DAB1: variants seen among roughly 807,000 people sequenced by gnomAD.
DAB1 encodes the protein disabled homolog 1.
Under a neutral mutation model 64.6 loss-of-function variants are expected in DAB1, and 15 were observed. The ratio of observed to expected loss-of-function variants is 0.23; its 90% CI spans 0.16 to 0.36. The LOEUF (loss-of-function observed/expected upper bound fraction) is 0.36. Among genes scored for constraint, DAB1 ranks in the 10% least tolerant of loss-of-function variants. The probability of loss-of-function intolerance (pLI) is 1.00; values close to 1 mark genes in which losing one functional copy is unlikely to be tolerated. For missense variants in DAB1, 596 were observed against 706.7 expected (o/e 0.84, Z 1.78); for synonymous variants, 235 against 251.9 (o/e 0.93, Z 0.64).
At chr1:57,848,616 C>T (rs1653389629) in intron 1 of DAB1, among the ~76,000 whole-genome samples, 1 of 152,180 alleles carries the variant, frequency 6.6e-6, no homozygotes, top group African/African-American at 2.4e-5. Flanking sequence ...TGTTATATCA[C>T]ATGAGTTACC....
rs190278534 is a variant in DAB1, at chr1:57,365,929, T to C, written c.-137+58001A>G. On this transcript the variant is annotated intron_variant, in intron 1 of 14. Coordinates refer to ENST00000371236, the MANE Select transcript of DAB1 (RefSeq NM_001365792.1). Reference sequence around the variant, plus strand: ...TGCTAGTTCTAAAAGAGAGGAAATATACTAAGCCTCTCCAATTTTCCCCTT... The same window carrying C: ...TGCTAGTTCTAAAAGAGAGGAAATACACTAAGCCTCTCCAATTTTCCCCTT... Among the ~76,000 whole-genome samples the C allele has an allele frequency of 1.2e-3, 188 of 152,286 alleles. 1 individual carries two copies. Among genetic ancestry groups the C allele is most frequent in the Middle Eastern group, 6.8e-3 (2 of 294 alleles).
chr1:57,971,458 G>C (rs926021648), intron 5 of DAB1, among the ~76,000 whole-genome samples: 4 of 152,200 alleles, frequency 2.6e-5, no homozygotes, highest in Non-Finnish European at 5.9e-5. Flanking sequence ...ACATGGTGTA[G>C]TGTGAGGGAA....
intron 4 of DAB1, among the ~76,000 whole-genome samples, chr1:58,157,561 A>G (rs967872413): frequency 6.6e-6 from 1 of 152,172 alleles, no homozygotes; most frequent in African/African-American, 2.4e-5. Context: ...AGGCACCACG[A>G]TGCCTTGTTT....
chr1:58,126,567 T>C (rs1653105573), intron 5 of DAB1, among the ~76,000 whole-genome samples: 1 of 151,862 alleles, frequency 6.6e-6, no homozygotes, highest in Non-Finnish European at 1.5e-5. Context: ...TAACTCGTCA[T>C]CTAGCATTAG....
chr1:57,091,536 G>A (rs1461813208), intron 4 of DAB1, among the ~76,000 whole-genome samples: 1 of 152,138 alleles, frequency 6.6e-6, no homozygotes, highest in Non-Finnish European at 1.5e-5. Flanking sequence ...GGAAGCAGAA[G>A]ATTAGATATC....
intron 3 of DAB1, among the ~76,000 whole-genome samples, chr1:58,489,157 G>A (rs563090544): frequency 3.9e-5 from 6 of 152,322 alleles, no homozygotes; most frequent in East Asian, 1.9e-4. Context: ...CGTGTCACCC[G>A]GGAAGTGCAA....
chr1:57,922,529 C>A (rs1012921544), intron 5 of DAB1, among the ~76,000 whole-genome samples: 2 of 152,056 alleles, frequency 1.3e-5, no homozygotes, highest in African/African-American at 4.8e-5. Flanking sequence ...CCCTGAGGAA[C>A]CTCCATCCTA....
chr1:57,327,262 G>A (rs1039386330), intron 1 of DAB1, among the ~76,000 whole-genome samples: 6 of 152,022 alleles, frequency 3.9e-5, no homozygotes, highest in African/African-American at 1.2e-4. Flanking sequence ...CCCTCTTTAC[G>A]TGAAACACCA....
At chr1:57,819,616 C>T (rs1008618152) in intron 6 of DAB1, among the ~76,000 whole-genome samples, 1 of 152,068 alleles carries the variant, frequency 6.6e-6, no homozygotes. Flanking sequence ...TAAAGAGAGG[C>T]GGTCATCTTT....
At chr1:57,033,440 C>T (rs1647028151) in intron 9 of DAB1, 3 of 1,612,776 alleles carry the variant, frequency 1.9e-6, no homozygotes, top group African/African-American at 1.3e-5. Context: ...TGTTCTGTAA[C>T]CACAAGGCAT....
At chr1:57,307,685 T>C (rs1674312334) in intron 1 of DAB1, among the ~76,000 whole-genome samples, 1 of 151,746 alleles carries the variant, frequency 6.6e-6, no homozygotes, top group Non-Finnish European at 1.5e-5. Flanking sequence ...CCAGACCACA[T>C]CCCCTTCCCT....
chr1:58,505,555 T>A (rs1480361778), intron 3 of DAB1, among the ~76,000 whole-genome samples: 1 of 152,130 alleles, frequency 6.6e-6, no homozygotes, highest in Non-Finnish European at 1.5e-5. Flanking sequence ...AGAGAGCAAA[T>A]GCTTCACTCT....
At position 57,057,261 on chromosome 1, in the gene DAB1, G is replaced by A. The variant is rs529210573; in HGVS notation, c.723+5623C>T. Reference sequence around the variant, plus strand: ...TTTTATATTTCAACAGTTGATTATCGTTCATTCAGTTCAGTAGTGATTTCA... The same window carrying A: ...TTTTATATTTCAACAGTTGATTATCATTCATTCAGTTCAGTAGTGATTTCA... On this transcript the variant is annotated intron_variant, in intron 9 of 14. Coordinates refer to ENST00000371236, the MANE Select transcript of DAB1 (RefSeq NM_001365792.1). 1.2e-4 allele frequency among the ~76,000 whole-genome samples: 19 copies of A among 152,246 alleles called. 1 individual carries two copies. In the South Asian group the frequency reaches 3.5e-3, roughly 28 times the overall value.
At chr1:57,992,138 C>T (rs924744734) in intron 5 of DAB1, among the ~76,000 whole-genome samples, 1 of 152,142 alleles carries the variant, frequency 6.6e-6, no homozygotes, top group Non-Finnish European at 1.5e-5. Flanking sequence ...AAAAAAAATA[C>T]ACACGGCATG....
intron 1 of DAB1, among the ~76,000 whole-genome samples, chr1:57,345,091 C>T (rs184647793): frequency 1.3e-5 from 2 of 152,132 alleles, no homozygotes; most frequent in East Asian, 3.9e-4. Flanking sequence ...TGATTATAAT[C>T]ATTATTAATA....
At chr1:57,348,710 T>A (rs776904138) in intron 1 of DAB1, among the ~76,000 whole-genome samples, 5 of 152,074 alleles carry the variant, frequency 3.3e-5, no homozygotes, top group Admixed American at 3.3e-4. Context: ...ATGTTCTCAG[T>A]ATCTAACCTG....
rs772989513 is a variant in DAB1, at chr1:57,207,446, C to CTTTTTTTTTTTTTTTTTTTTTTTTTTTTT, written c.68-62018_68-62017insAAAAAAAAAAAAAAAAAAAAAAAAAAAAA. On this transcript the variant is annotated intron_variant, in intron 2 of 14. Coordinates refer to ENST00000371236, the MANE Select transcript of DAB1 (RefSeq NM_001365792.1). ...CTGTAATTCATACCTTATTTCCTTT[C>CTTTTTTTTTTTTTTTTTTTTTTTTTTTTT]TTTTTTTTTTTTTTTGAGATGGAGT... Among the ~76,000 whole-genome samples, 3 of 98,452 alleles carry CTTTTTTTTTTTTTTTTTTTTTTTTTTTTT rather than the reference C, an allele frequency of 3.0e-5. 1 individual carries two copies. The highest frequency in any genetic ancestry group is 2.2e-5 in the Non-Finnish European group (1 of 46,428). 64.6% of individuals were successfully genotyped at this position (98,452 alleles called of 152,430 possible).
At chr1:58,476,441 T>TTAGTGGTGTAAAACCCCTTGC (rs1251547509) in intron 3 of DAB1, among the ~76,000 whole-genome samples, 1 of 152,124 alleles carries the variant, frequency 6.6e-6, no homozygotes, top group African/African-American at 2.4e-5. Context: ...AAGACAGAAC[T>TTAGTGGTGTAAAACCCCTTGC]TAGTGGTGTA....
intron 1 of DAB1, among the ~76,000 whole-genome samples, chr1:57,349,777 C>T (rs765437123): frequency 2.6e-4 from 39 of 152,046 alleles, no homozygotes; most frequent in Admixed American, 1.8e-3. Context: ...AATAAAGATC[C>T]GGACAGAAAC....
Sources: allele counts gnomAD v4.1 joint callset (sites outside exome capture counted in the v4.1 genomes callset), GRCh38; gene constraint gnomAD v4.1.1; transcripts MANE v1.5; gene names NCBI Gene and HGNC (gene_info 2026-07-23, HGNC 2026-07-21).